MEGF6: variants seen among roughly 807,000 people sequenced by gnomAD.
MEGF6 encodes the protein multiple EGF like domains 6.
Under a neutral mutation model 207.1 loss-of-function variants are expected in MEGF6, and 184 were observed. That is an observed-to-expected ratio of 0.89 (90% CI 0.79 to 1.00). The LOEUF (loss-of-function observed/expected upper bound fraction) is 1.00, where lower values mean the gene tolerates loss of function less well. Among genes scored for constraint, MEGF6 ranks in the 50% least tolerant of loss-of-function variants. The probability of loss-of-function intolerance (pLI) is 0.00; values close to 1 mark genes in which losing one functional copy is unlikely to be tolerated. For missense variants in MEGF6, 2,282 were observed against 2,202.9 expected (o/e 1.04, Z -0.72); for synonymous variants, 1,038 against 910.0 (o/e 1.14, Z -2.53).
At position 3,594,899 on chromosome 1, in the gene MEGF6, G is replaced by A. The variant is rs928079694; in HGVS notation, c.376+439C>T. ...CTTACACCCACTGAAGCTGAGGCCC[G>A]CCACCCGGCCCGGATTGGCCTTGGG... On this transcript the variant is annotated intron_variant, in intron 3 of 36. Transcript: ENST00000356575. The surrounding 1 kb of genome is among the most constrained non-coding windows in gnomAD (Gnocchi z 4.2). Among the ~76,000 whole-genome samples the A allele has an allele frequency of 3.3e-5, 5 of 152,184 alleles. No homozygotes were observed. The highest frequency in any genetic ancestry group is 7.2e-5 in the African/African-American group (3 of 41,436).
At chr1:3,516,317 C>G (rs1210884460) in intron 5 of MEGF6, among the ~76,000 whole-genome samples, 1 of 152,224 alleles carries the variant, frequency 6.6e-6, no homozygotes, top group Non-Finnish European at 1.5e-5. Flanking sequence ...CGGTAGCCAG[C>G]CCCTCAGCGG....
At chr1:3,540,189 C>T (rs1347383450) in intron 4 of MEGF6, among the ~76,000 whole-genome samples, 1 of 152,240 alleles carries the variant, frequency 6.6e-6, no homozygotes, top group Non-Finnish European at 1.5e-5. Flanking sequence ...TATTATTTTC[C>T]CGGCTTGGCC....
rs1484524225 is a variant in MEGF6 at position 3,511,633 on chromosome 1, T to C, written c.1031A>G (p.His344Arg). The change falls in exon 9 of 37, where the codon CAT becomes CGT. Residue 344 changes from histidine to arginine, a missense_variant. Transcript: ENST00000356575. ...SCEANNGGCS[H>R]GCSHTSAGPL... Reference sequence around the variant, plus strand: ...CCCAGCACTGGTGTGGCTGCAGCCATGGGAGCAGCCGCCGTTGTTGGCCTC... The same window carrying C: ...CCCAGCACTGGTGTGGCTGCAGCCACGGGAGCAGCCGCCGTTGTTGGCCTC... 6 of 1,611,724 alleles carry C rather than the reference T, an allele frequency of 3.7e-6. No homozygotes were observed. Among genetic ancestry groups the C allele is most frequent in the Admixed American group, 3.3e-5 (2 of 59,968 alleles).
rs1320873851 is a variant in MEGF6 at position 3,490,237 on chromosome 1, C to T, written c.*291G>A. The T allele has an allele frequency of 1.2e-5, 6 of 490,630 alleles. No individual in the cohort carries two copies. Among genetic ancestry groups the T allele is most frequent in the East Asian group, 7.6e-5 (2 of 26,312 alleles). The allele number at this position is 490,630 out of a possible 1,614,324, so 30.4% of individuals were successfully genotyped here. ...ACCTGTCCTCAGTCCAACTCAGAGCCGCGGGGAGAGCGGGACTTCCTCAGC... is the reference window on the plus strand; with the variant it reads ...ACCTGTCCTCAGTCCAACTCAGAGCTGCGGGGAGAGCGGGACTTCCTCAGC... On this transcript the variant is annotated 3_prime_UTR_variant, in exon 37 of 37. Transcript: ENST00000356575.
chr1:3,611,183 C>CGT lies in MEGF6; in HGVS notation c.85_86insAC (p.Gly29AspfsTer26), dbSNP rs1283205206. The CGT allele has an allele frequency of 6.4e-7, 1 of 1,552,190 alleles. No homozygotes were observed. Reference sequence around the variant, plus strand: ...CAGGGGCCGCGGCGGAACGCTGGCGCCCACGGGCACGGCGGGGAGCAGCAG... The same window carrying CGT: ...CAGGGGCCGCGGCGGAACGCTGGCGCGTCCACGGGCACGGCGGGGAGCAGCAG... On this transcript the variant is annotated frameshift_variant, in exon 1 of 37. Transcript: ENST00000356575. LOFTEE classifies it high-confidence loss of function.
chr1:3,585,258 C>T (rs1184180300), intron 3 of MEGF6, among the ~76,000 whole-genome samples: 2 of 144,048 alleles, frequency 1.4e-5, no homozygotes, highest in African/African-American at 5.3e-5. Flanking sequence ...GACATATGTC[C>T]TGTGTGTGGG....
chr1:3,559,942 C>T (rs1242873753), intron 4 of MEGF6, among the ~76,000 whole-genome samples: 6 of 141,630 alleles, frequency 4.2e-5, no homozygotes, highest in African/African-American at 7.9e-5. Context: ...ACCCGGGAGG[C>T]GGAGGTTGCA....
At chr1:3,602,664 T>C in intron 1 of MEGF6, 64 bp from the exon 2 acceptor site, 7 of 1,546,784 alleles carry the variant, frequency 4.5e-6, no homozygotes, top group Non-Finnish European at 5.2e-6. Flanking sequence ...CCACCCCTCC[T>C]GCACCCCCAG....
At chr1:3,501,668 G>A in intron 18 of MEGF6, 128 bp downstream of exon 18, 3 of 1,325,306 alleles carry the variant, frequency 2.3e-6, no homozygotes, top group Non-Finnish European at 3.0e-6. Flanking sequence ...GGAGTGCACT[G>A]TGAGCTCTCA....
Position 3,557,212 on chromosome 1 carries a change from A to G in MEGF6, c.481+22613T>C, listed in dbSNP as rs1488828250. Among the ~76,000 whole-genome samples the G allele has an allele frequency of 2.0e-5, 3 of 152,256 alleles. No homozygotes were observed. In the East Asian group the frequency reaches 5.8e-4, roughly 29 times the overall value. On this transcript the variant is annotated intron_variant, in intron 4 of 36. Coordinates refer to ENST00000356575, the MANE Select transcript of MEGF6 (RefSeq NM_001409.4). ...CCTGACAAGACCTTGGCGTAAGCCC[A>G]GGGAGACCTGAGCTGGGATTCTACC... is the stretch of plus-strand genomic sequence containing the variant.
intron 17 of MEGF6, among the ~76,000 whole-genome samples, chr1:3,503,297 C>T (rs1438150854): frequency 6.6e-6 from 1 of 152,184 alleles, no homozygotes; most frequent in Non-Finnish European, 1.5e-5. Flanking sequence ...GTCAGGGAAC[C>T]CCCCTCCACT....
Position 3,594,058 on chromosome 1 carries a change from G to A in MEGF6, c.376+1280C>T, listed in dbSNP as rs1168691669. 6.6e-6 allele frequency among the ~76,000 whole-genome samples: 1 copy of A among 152,168 alleles called. No homozygotes were observed. The highest frequency in any genetic ancestry group is 6.5e-5 in the Admixed American group (1 of 15,284). On this transcript the variant is annotated intron_variant, in intron 3 of 36. Coordinates refer to ENST00000356575, the MANE Select transcript of MEGF6 (RefSeq NM_001409.4). This position sits in a 1 kb window ranked among gnomAD's most constrained non-coding sequence, Gnocchi z 4.2. ...CCCCTGCGGCTCCAGGCAACTACCC[G>A]CCATAAGGACCCCTAGAGCTGGGTT...
In MEGF6 at chr1:3,538,745, T is replaced by TGTGTGTGTGTGTGTGTGTGTGTGA. The variant is rs57713922; in HGVS notation, c.482-14500_482-14499insTCACACACACACACACACACACAC. Among the ~76,000 whole-genome samples the TGTGTGTGTGTGTGTGTGTGTGTGA allele has an allele frequency of 3.2e-5, 4 of 126,422 alleles. No individual in the cohort carries two copies. The East Asian group carries it at 9.3e-4, about 29-fold the overall frequency. The allele number at this position is 126,422 out of a possible 152,430, so 82.9% of individuals were successfully genotyped here. ...GTGTGTGTGTGTGTGTGTGTGTGTG[T>TGTGTGTGTGTGTGTGTGTGTGTGA]CCGCGCTGTCTGTGGGTTCTCTGTT... On this transcript the variant is annotated intron_variant, in intron 4 of 36. Transcript: ENST00000356575.
At chr1:3,505,924 A>G (rs1641096936) in intron 15 of MEGF6, among the ~76,000 whole-genome samples, 184 bp downstream of exon 15, 1 of 152,222 alleles carries the variant, frequency 6.6e-6, no homozygotes, top group Non-Finnish European at 1.5e-5. Flanking sequence ...CAGCACAGTC[A>G]CAGTCGAGAG....
At chr1:3,542,877 G>A (rs538148703) in intron 4 of MEGF6, among the ~76,000 whole-genome samples, 137 of 152,320 alleles carry the variant, frequency 9.0e-4, no homozygotes, top group Non-Finnish European at 1.6e-3. Context: ...AGGTGAGCTC[G>A]GGGCCAGGCA....
chr1:3,492,172 T>C (rs1640400767), intron 35 of MEGF6, among the ~76,000 whole-genome samples: 1 of 151,872 alleles, frequency 6.6e-6, no homozygotes, highest in African/African-American at 2.4e-5. Flanking sequence ...CTGGCACACA[T>C]GCACACACAC....
chr1:3,617,540 AGGTGAC>A, the MEGF6 span, among the ~76,000 whole-genome samples: 19 of 152,300 alleles, frequency 1.2e-4, no homozygotes, highest in African/African-American at 4.1e-4. Context: ...CTGAATAACC[AGGTGAC>A]GGCTGACCTG....
chr1:3,506,244 C>G lies in MEGF6; in HGVS notation c.1790-8G>C, dbSNP rs774959133. On this transcript the variant is annotated splice_polypyrimidine_tract_variant and splice_region_variant and intron_variant, in intron 14 of 36. Coordinates refer to ENST00000356575, the MANE Select transcript of MEGF6 (RefSeq NM_001409.4). ...AGTAGCCCTTGGGGCAGCCTGGGGG[C>G]AGCGGGGCTCCATGTGAACCTTGGT... The G allele has an allele frequency of 1.9e-6, 3 of 1,607,704 alleles. No homozygotes were observed. In the East Asian group the frequency reaches 6.7e-5, roughly 36 times the overall value.
Position 3,594,660 on chromosome 1 carries a change from A to C in MEGF6, c.376+678T>G, listed in dbSNP as rs1644031082. Reference sequence around the variant, plus strand: ...GGCGGGGCTTCTGTCCCCATGCCTGAAACCCTTCCCAAACATCTCTGTAGC... The same window carrying C: ...GGCGGGGCTTCTGTCCCCATGCCTGCAACCCTTCCCAAACATCTCTGTAGC... On this transcript the variant is annotated intron_variant, in intron 3 of 36. Coordinates refer to ENST00000356575, the MANE Select transcript of MEGF6 (RefSeq NM_001409.4). This position sits in a 1 kb window ranked among gnomAD's most constrained non-coding sequence, Gnocchi z 4.2. 6.6e-6 allele frequency among the ~76,000 whole-genome samples: 1 copy of C among 152,118 alleles called. No homozygotes were observed. The highest frequency in any genetic ancestry group is 2.4e-5 in the African/African-American group (1 of 41,426).
Sources: gnomAD v4.1 joint callset for allele counts (sites outside exome capture counted in the v4.1 genomes callset) on GRCh38, gnomAD v4.1.1 for gene constraint, Gnocchi (gnomAD v3.1) non-coding constraint, MANE v1.5 for transcripts, NCBI Gene and HGNC (gene_info 2026-07-23, HGNC 2026-07-21) for gene names.